Variants in DYNC2H1 observed in about 807,000 individuals in gnomAD.
DYNC2H1 encodes dynein cytoplasmic 2 heavy chain 1.
DYNC2H1 carries 410 observed loss-of-function variants against 570.0 expected under a neutral mutation model. The observed-to-expected ratio is 0.72, with a 90% CI of 0.66 to 0.78. The LOEUF (loss-of-function observed/expected upper bound fraction) is 0.78, where lower values mean the gene tolerates loss of function less well. DYNC2H1 is among the 30% of genes least tolerant of loss of function. The pLI is 0.00. For missense variants in DYNC2H1, 4,865 were observed against 5,046.4 expected (o/e 0.96, Z 1.09); for synonymous variants, 1,688 against 1,677.6 (o/e 1.01, Z -0.15).
chr11:103,429,774 G>T (rs2135738249), intron 84 of DYNC2H1, among the ~76,000 whole-genome samples: 1 of 152,272 alleles, frequency 6.6e-6, no homozygotes, highest in African/African-American at 2.4e-5. Context: ...ATCTTAAATT[G>T]TATCTATTGT....
chr11:103,349,331 T>C (rs1334955092), intron 82 of DYNC2H1, among the ~76,000 whole-genome samples: 1 of 152,164 alleles, frequency 6.6e-6, no homozygotes, highest in Non-Finnish European at 1.5e-5. Context: ...AGATGAGGTC[T>C]TACATGTATT....
chr11:103,407,981 A>G (rs1709163), intron 84 of DYNC2H1: 54,476 of 151,812 alleles, frequency 0.36, 10,188 homozygotes, highest in African/African-American at 0.48. Flanking sequence ...GCTACAGCTC[A>G]TAATGCACTG....
rs1205679981 is a variant in DYNC2H1, at chr11:103,151,583, A to G, written c.2947-553A>G. Reference sequence around the variant, plus strand: ...TTTAGCACCCATTGACCTACACCCAAACTGTTTAACAAACTGTTAGCTATA... The same window carrying G: ...TTTAGCACCCATTGACCTACACCCAGACTGTTTAACAAACTGTTAGCTATA... On this transcript the variant is annotated intron_variant, in intron 20 of 88. Transcript: ENST00000375735. This position sits in a 1 kb window ranked among gnomAD's most constrained non-coding sequence, Gnocchi z 4.6. Among the ~76,000 whole-genome samples, 1 of 152,180 alleles carries G rather than the reference A, an allele frequency of 6.6e-6. No homozygotes were observed. The highest frequency in any genetic ancestry group is 2.4e-5 in the African/African-American group (1 of 41,454).
At chr11:103,222,195 T>G (rs751841275) in intron 58 of DYNC2H1, 42 bp downstream of exon 58, 31 of 1,324,886 alleles carry the variant, frequency 2.3e-5, no homozygotes, top group Non-Finnish European at 3.1e-5. Context: ...TTCCATACCA[T>G]ATAATATTCT....
chr11:103,333,466 G>C (rs535269111), intron 82 of DYNC2H1, among the ~76,000 whole-genome samples: 1 of 152,162 alleles, frequency 6.6e-6, no homozygotes, highest in Non-Finnish European at 1.5e-5. Flanking sequence ...GGGTTTCACC[G>C]TGTTAGCCAG....
chr11:103,175,560 T>TA (rs1861766866), intron 36 of DYNC2H1, among the ~76,000 whole-genome samples: 1 of 152,204 alleles, frequency 6.6e-6, no homozygotes, highest in Admixed American at 6.5e-5. Flanking sequence ...TCTTTGACTT[T>TA]ATGTATCTTA....
intron 69 of DYNC2H1, 32 bp downstream of exon 69, chr11:103,257,783 G>T: frequency 1.4e-6 from 2 of 1,469,510 alleles, no homozygotes; most frequent in South Asian, 1.5e-5. Context: ...ACCAGAGACT[G>T]AATTACAGGG....
chr11:103,113,495 A>T (rs748961661), intron 1 of DYNC2H1, 42 bp from the exon 2 acceptor site: 1 of 1,413,720 alleles, frequency 7.1e-7, no homozygotes, highest in South Asian at 1.8e-5. Flanking sequence ...TTCAAATATT[A>T]AATTTTATGA....
intron 74 of DYNC2H1, 122 bp from the exon 75 acceptor site, chr11:103,287,411 A>T: frequency 5.2e-6 from 4 of 770,532 alleles, no homozygotes; most frequent in Middle Eastern, 3.1e-4. Flanking sequence ...AATAATATGG[A>T]ACAATGATAA....
At chr11:103,164,545 G>A (rs1340364308) in intron 30 of DYNC2H1, among the ~76,000 whole-genome samples, 1 of 152,118 alleles carries the variant, frequency 6.6e-6, no homozygotes, top group Non-Finnish European at 1.5e-5. Flanking sequence ...TGGGAAGGAG[G>A]CAGTGTGGTA....
intron 13 of DYNC2H1, among the ~76,000 whole-genome samples, chr11:103,132,815 G>A (rs756709652): frequency 4.0e-5 from 6 of 151,850 alleles, no homozygotes; most frequent in African/African-American, 1.5e-4. Context: ...CAACTTGGAG[G>A]CACCTTGTTG....
At chr11:103,117,059 A>G (rs999930786) in intron 5 of DYNC2H1, among the ~76,000 whole-genome samples, 1 of 150,482 alleles carries the variant, frequency 6.6e-6, no homozygotes, top group African/African-American at 2.4e-5. Context: ...ATTATTTTAT[A>G]AGGAAATGTC....
intron 18 of DYNC2H1, among the ~76,000 whole-genome samples, chr11:103,147,112 A>G (rs1157094587): frequency 6.6e-6 from 1 of 152,164 alleles, no homozygotes; most frequent in Non-Finnish European, 1.5e-5. Flanking sequence ...TTGTCTTAGG[A>G]TAAATTCTAA....
chr11:103,454,649 A>T (rs1047235357), intron 85 of DYNC2H1, among the ~76,000 whole-genome samples: 3 of 152,182 alleles, frequency 2.0e-5, no homozygotes, highest in African/African-American at 7.2e-5. Context: ...GGCAATTTTT[A>T]AAAAATGCTT....
intron 82 of DYNC2H1, among the ~76,000 whole-genome samples, chr11:103,348,568 A>T (rs1352483638): frequency 6.6e-6 from 1 of 152,112 alleles, no homozygotes; most frequent in East Asian, 1.9e-4. Context: ...GGTTTTCTTT[A>T]TGGCTTCTTT....
chr11:103,349,871 C>T (rs1371248556), intron 82 of DYNC2H1, among the ~76,000 whole-genome samples: 2 of 152,074 alleles, frequency 1.3e-5, no homozygotes, highest in Non-Finnish European at 2.9e-5. Context: ...ACATAAATTA[C>T]AATTTGGTCT....
chr11:103,459,952 C>T (rs557130391), intron 87 of DYNC2H1, among the ~76,000 whole-genome samples: 1 of 125,672 alleles, frequency 8.0e-6, no homozygotes, highest in Admixed American at 9.0e-5. Flanking sequence ...GAGCGAGACT[C>T]CGTCTCAAAA....
chr11:103,214,570 G>C (rs565571629), intron 54 of DYNC2H1, among the ~76,000 whole-genome samples: 1 of 149,668 alleles, frequency 6.7e-6, no homozygotes, highest in Non-Finnish European at 1.5e-5. Flanking sequence ...TCAGCCTCCC[G>C]AGTAGCTGCG....
At chr11:103,380,800 G>A (rs370172823) in intron 83 of DYNC2H1, among the ~76,000 whole-genome samples, 3 of 152,096 alleles carry the variant, frequency 2.0e-5, no homozygotes, top group Non-Finnish European at 2.9e-5. Flanking sequence ...GAGCTCAGGC[G>A]ATCCACCTGC....
Sources: allele counts gnomAD v4.1 joint callset (sites outside exome capture counted in the v4.1 genomes callset), GRCh38; gene constraint gnomAD v4.1.1; non-coding constraint Gnocchi (gnomAD v3.1); transcripts MANE v1.5; gene names NCBI Gene and HGNC (gene_info 2026-07-23, HGNC 2026-07-21).